The following RBL2 variants were observed in gnomAD, a reference collection of about 807,000 sequenced individuals.
RBL2 encodes RB transcriptional corepressor like 2.
A neutral mutation model predicts 126.0 loss-of-function variants in RBL2; 56 were observed. That is an observed-to-expected ratio of 0.44 (90% CI 0.36 to 0.56). The LOEUF is 0.56. Ranked by LOEUF, RBL2 falls within the 20% of genes least tolerant of loss-of-function variation. The pLI is 0.00. For synonymous variants in RBL2, 454 were observed against 478.5 expected (o/e 0.95, Z 0.67); for missense variants, 1,229 against 1,398.2 (o/e 0.88, Z 1.93).
At chr16:53,437,456 G>A (rs1477979335) in intron 1 of RBL2, among the ~76,000 whole-genome samples, 1 of 152,054 alleles carries the variant, frequency 6.6e-6, no homozygotes, top group African/African-American at 2.4e-5. Context: ...TGAAGCTAAA[G>A]GACATCTTCC....
Position 53,442,715 on chromosome 16 carries a change from A to C in RBL2, c.429A>C (p.Pro143=). The change falls in exon 3 of 22, where the codon CCA becomes CCC. Residue 143 remains proline, a synonymous_variant. Coordinates refer to ENST00000262133, the MANE Select transcript of RBL2 (RefSeq NM_005611.4). The stretch of plus-strand genomic sequence containing the variant: ...GGGAAGACATGGCAAATCTACCCCC[A>C]CATTTCAGAGAACGTACTGAGAGAT... ...KKWEDMANLP[P]HFRERTERLE... is the part of the protein sequence containing the mutation. The C allele has an allele frequency of 6.2e-7, 1 of 1,613,972 alleles. No homozygotes were observed. The highest frequency in any genetic ancestry group is 2.2e-5 in the East Asian group (1 of 44,866).
intron 8 of RBL2, 147 bp from the exon 9 acceptor site, chr16:53,459,304 T>C: frequency 1.6e-6 from 1 of 644,082 alleles, no homozygotes; most frequent in South Asian, 2.1e-5. Context: ...ATGGTGACAT[T>C]TGAGTCACTA....
chr16:53,446,953 T>G, intron 3 of RBL2, 89 bp from the exon 4 acceptor site: 2 of 710,214 alleles, frequency 2.8e-6, no homozygotes, highest in Non-Finnish European at 4.4e-6. Context: ...TAACTGTGGG[T>G]TTTATTTTAC....
intron 4 of RBL2, among the ~76,000 whole-genome samples, chr16:53,447,539 A>G (rs1172974701): frequency 6.6e-6 from 1 of 152,114 alleles, no homozygotes; most frequent in Non-Finnish European, 1.5e-5. Context: ...ATGCTTTTAT[A>G]TACTATTTAT....
intron 17 of RBL2, among the ~76,000 whole-genome samples, chr16:53,477,446 T>C (rs1358759961): frequency 6.6e-6 from 1 of 152,160 alleles, no homozygotes; most frequent in Admixed American, 6.5e-5. Flanking sequence ...CAAATGATCC[T>C]TCTGCCTCAG....
At position 53,454,754 on chromosome 16, in the gene RBL2, C is replaced by T; in HGVS notation, c.1091C>T (p.Thr364Ile). The T allele has an allele frequency of 1.9e-6, 3 of 1,614,058 alleles. No individual in the cohort carries two copies. Among genetic ancestry groups the T allele is most frequent in the Non-Finnish European group, 2.5e-6 (3 of 1,179,990 alleles). The change falls in exon 8 of 22, where the codon ACT becomes ATT. Residue 364 changes from threonine (T) to isoleucine (I), a missense_variant. Transcript: ENST00000262133. Reference sequence around the variant, plus strand: ...GAGGATGCTGAGGAGGAAATTGGGACTCTCTCAAGGTGTCTGAACGCTGGT... The same window carrying T: ...GAGGATGCTGAGGAGGAAATTGGGATTCTCTCAAGGTGTCTGAACGCTGGT... ...LGEDAEEEIG[T>I]LSRCLNAGSG... is the part of the protein sequence containing the mutation.
Position 53,434,609 on chromosome 16 carries a change from C to A in RBL2, c.53C>A (p.Ala18Glu). 1 of 1,549,560 alleles carries A rather than the reference C, an allele frequency of 6.5e-7. No individual in the cohort carries two copies. Among genetic ancestry groups the A allele is most frequent in the Admixed American group, 1.9e-5 (1 of 53,652 alleles). Residue 18 changes from alanine (A) to glutamate (E), a missense_variant, in exon 1 of 22, where the codon GCG becomes GAG. Coordinates refer to ENST00000262133, the MANE Select transcript of RBL2 (RefSeq NM_005611.4). Reference sequence around the variant, plus strand: ...CCGCCCCCGCCTCCCCCTCCGGCGGCGGCAGCCTCGGATGAGGAGGAGGAG... The same window carrying A: ...CCGCCCCCGCCTCCCCCTCCGGCGGAGGCAGCCTCGGATGAGGAGGAGGAG... ...SPPPPPPPPA[A>E]AASDEEEEDD...
chr16:53,466,961 A>G, intron 13 of RBL2, 97 bp from the exon 14 acceptor site: 1 of 802,120 alleles, frequency 1.2e-6, no homozygotes. Context: ...TAGATGGAAT[A>G]ATTGTTAAGA....
chr16:53,485,289 G>A (rs866836135), intron 21 of RBL2, among the ~76,000 whole-genome samples: 6 of 152,026 alleles, frequency 3.9e-5, no homozygotes, highest in Middle Eastern at 3.4e-3. Flanking sequence ...CCCAATTCTT[G>A]GAACCTAAAT....
chr16:53,479,414 G>T (rs1419177745), intron 18 of RBL2, 189 bp downstream of exon 18: 1 of 563,006 alleles, frequency 1.8e-6, no homozygotes, highest in Non-Finnish European at 3.1e-6. Flanking sequence ...TCCTCAAAAG[G>T]CAACAATGTT....
At chr16:53,441,583 T>C (rs2153138226) in intron 2 of RBL2, among the ~76,000 whole-genome samples, 2 of 152,260 alleles carry the variant, frequency 1.3e-5, no homozygotes, top group East Asian at 3.9e-4. Flanking sequence ...TCAGAAACAT[T>C]ATTGAGTGTG....
intron 17 of RBL2, among the ~76,000 whole-genome samples, chr16:53,471,649 AG>A (rs896154213): frequency 6.6e-6 from 1 of 151,996 alleles, no homozygotes; most frequent in African/African-American, 2.4e-5. Flanking sequence ...TTGCATTTTT[AG>A]TAGAGATGGG....
At chr16:53,462,692 A>T (rs1451435453) in intron 11 of RBL2, 37 bp downstream of exon 11, 1 of 1,302,290 alleles carries the variant, frequency 7.7e-7, no homozygotes, top group African/African-American at 1.6e-5. Flanking sequence ...CAGCGCAATG[A>T]AACATAATTT....
rs147902840 is a variant in RBL2 at position 53,484,837 on chromosome 16, T to C, written c.3249+3002T>C. On this transcript the variant is annotated intron_variant, in intron 21 of 21. Coordinates refer to ENST00000262133, the MANE Select transcript of RBL2 (RefSeq NM_005611.4). ...GTTGAATAATACGGTATAAGAATTA[T>C]ATCTCAATAAAGCTGGAAGGGTGGA... is the stretch of plus-strand genomic sequence containing the variant. 7.1e-4 allele frequency among the ~76,000 whole-genome samples: 108 copies of C among 152,324 alleles called. 1 individual carries two copies. The highest frequency in any genetic ancestry group is 3.4e-3 in the Middle Eastern group (1 of 294).
rs370604468 is a variant in RBL2 at position 53,464,229 on chromosome 16, A to G, written c.1564A>G (p.Ile522Val). 7.7e-6 allele frequency: 12 copies of G among 1,566,802 alleles called. No individual in the cohort carries two copies. The East Asian group carries it at 1.2e-4, about 15-fold the overall frequency. ...TGCTAATAACTTTATTTTATAGGGT[A>G]TTCTGGAACAAGATGCGTTCCACAG... ...KRLGDMDLSG[I>V]LEQDAFHRSL... The change falls in exon 12 of 22, where the codon ATT (isoleucine) becomes GTT (valine). Residue 522 changes from isoleucine to valine, a missense_variant. Transcript: ENST00000262133.
At chr16:53,446,682 GA>G (rs1044154964) in intron 3 of RBL2, among the ~76,000 whole-genome samples, 3 of 151,968 alleles carry the variant, frequency 2.0e-5, no homozygotes, top group African/African-American at 7.2e-5. Context: ...TGATAAAGGA[GA>G]AAAAAATAAG....
chr16:53,485,445 G>GA (rs1362495135), intron 21 of RBL2, among the ~76,000 whole-genome samples: 2 of 152,038 alleles, frequency 1.3e-5, no homozygotes, highest in Non-Finnish European at 2.9e-5. Flanking sequence ...TGTTCCAAAA[G>GA]AAAAAAGGTC....
chr16:53,483,815 T>C (rs1031024225), intron 21 of RBL2, among the ~76,000 whole-genome samples: 1 of 151,900 alleles, frequency 6.6e-6, no homozygotes, highest in African/African-American at 2.4e-5. Context: ...AGGCAAAGTT[T>C]GCAGTGAGCT....
At chr16:53,467,921 G>A (rs777332953) in intron 14 of RBL2, among the ~76,000 whole-genome samples, 17 of 152,288 alleles carry the variant, frequency 1.1e-4, no homozygotes, top group Middle Eastern at 3.4e-3. Context: ...AAGCCAGTGA[G>A]TTAAGACAAC....
Sources: gnomAD v4.1 joint callset for allele counts (sites outside exome capture counted in the v4.1 genomes callset) on GRCh38, gnomAD v4.1.1 for gene constraint, MANE v1.5 for transcripts, NCBI Gene and HGNC (gene_info 2026-07-23, HGNC 2026-07-21) for gene names.